Variants in FAM178B observed in about 807,000 individuals in gnomAD.
FAM178B encodes family with sequence similarity 178 member B.
Under a neutral mutation model 91.7 loss-of-function variants are expected in FAM178B, and 82 were observed. The observed-to-expected ratio is 0.89, with a 90% CI of 0.75 to 1.07. The LOEUF (loss-of-function observed/expected upper bound fraction) is 1.07, where lower values mean the gene tolerates loss of function less well. Ranked by LOEUF, FAM178B falls within the 50% of genes least tolerant of loss-of-function variation. FAM178B has a pLI of 0.00. For synonymous variants in FAM178B, 368 were observed against 359.4 expected (o/e 1.02, Z -0.27); for missense variants, 769 against 846.7 (o/e 0.91, Z 1.14).
intron 13 of FAM178B, among the ~76,000 whole-genome samples, chr2:96,896,658 C>T (rs145645651): frequency 2.6e-5 from 4 of 152,156 alleles, no homozygotes; most frequent in African/African-American, 9.7e-5. Context: ...GCATGTTGCT[C>T]CTGGGTGCAA....
At chr2:96,984,452 T>C (rs1336388287) in intron 1 of FAM178B, among the ~76,000 whole-genome samples, 2 of 152,122 alleles carry the variant, frequency 1.3e-5, no homozygotes, top group Non-Finnish European at 2.9e-5. Context: ...GAAGTTTCTG[T>C]CATAGGACAG....
Position 96,971,971 on chromosome 2 carries a change from C to G in FAM178B, c.494G>C (p.Arg165Thr). Reference sequence around the variant, plus strand: ...CAGCTTCTCTGGCAAGGCCAGGCCCCTCTTCGGGTCCAAGTCCAGGTGTTC... The same window carrying G: ...CAGCTTCTCTGGCAAGGCCAGGCCCGTCTTCGGGTCCAAGTCCAGGTGTTC... ...EQEHLDLDPK[R>T]GLALPEKLFW... The change falls in exon 3 of 17, where the codon AGG becomes ACG. Residue 165 changes from arginine to threonine, a missense_variant. Physicochemically the swap from Arg to Thr is moderately conservative, Grantham distance 71. Transcript: ENST00000490605. 6.4e-7 allele frequency: 1 copy of G among 1,561,776 alleles called. No homozygotes were observed. The highest frequency in any genetic ancestry group is 8.7e-7 in the Non-Finnish European group (1 of 1,153,088).
intron 12 of FAM178B, among the ~76,000 whole-genome samples, chr2:96,913,419 T>C (rs1337471116): frequency 6.6e-6 from 1 of 151,840 alleles, no homozygotes; most frequent in Non-Finnish European, 1.5e-5. Context: ...GAGTCCACAG[T>C]GGAGAAGGGG....
intron 6 of FAM178B, among the ~76,000 whole-genome samples, chr2:96,957,437 A>AG (rs563755029): frequency 8.3e-4 from 126 of 152,228 alleles, no homozygotes; most frequent in Admixed American, 3.4e-3. Flanking sequence ...TGCAGATCTG[A>AG]GGCACTGGCA....
intron 1 of FAM178B, among the ~76,000 whole-genome samples, chr2:96,979,022 G>A (rs2082327973): frequency 6.9e-6 from 1 of 145,292 alleles, no homozygotes; most frequent in African/African-American, 2.6e-5. Context: ...CTGTTGCCAG[G>A]CTGGAGTGCA....
intron 10 of FAM178B, among the ~76,000 whole-genome samples, chr2:96,922,746 C>T (rs952002486): frequency 5.9e-5 from 9 of 152,140 alleles, no homozygotes; most frequent in African/African-American, 2.2e-4. Context: ...CTCTTGTTGC[C>T]CAGGCTGGAG....
In FAM178B at chr2:96,967,911, C is replaced by CTTTTTTTTTTTTTTTTTTTTTTT. The variant is rs60965536; in HGVS notation, c.627-307_627-285dup. ...TCTTTACTTGTGTACCCTGTTTGGT[C>CTTTTTTTTTTTTTTTTTTTTTTT]TTTTTTTTTTTTTTTTTTTTTTTTT... On this transcript the variant is annotated intron_variant, in intron 4 of 16. Coordinates refer to ENST00000490605, the MANE Select transcript of FAM178B (RefSeq NM_001122646.3). Among the ~76,000 whole-genome samples the CTTTTTTTTTTTTTTTTTTTTTTT allele has an allele frequency of 9.0e-4, 56 of 62,442 alleles. 15 individuals are homozygous for CTTTTTTTTTTTTTTTTTTTTTTT. Among genetic ancestry groups the CTTTTTTTTTTTTTTTTTTTTTTT allele is most frequent in the Non-Finnish European group, 1.5e-3 (49 of 33,240 alleles). 41.0% of individuals were successfully genotyped at this position (62,442 alleles called of 152,430 possible). A position where few individuals can be genotyped will look rare whatever the true frequency, so the allele number is the denominator to read the frequency against.
At chr2:96,925,142 G>A (rs75430035) in intron 9 of FAM178B, among the ~76,000 whole-genome samples, 1,889 of 152,250 alleles carry the variant, frequency 0.012, 32 homozygotes, top group African/African-American at 0.043. Context: ...AGCCTTGAGC[G>A]TGCAACACGC....
chr2:96,917,947 C>G (rs74432775), intron 12 of FAM178B, among the ~76,000 whole-genome samples: 10,384 of 152,012 alleles, frequency 0.068, 1,171 homozygotes, highest in African/African-American at 0.24. Context: ...TCTCTCATAC[C>G]AAGGACAAAC....
chr2:96,940,760 G>GT (rs1443446562), intron 8 of FAM178B, among the ~76,000 whole-genome samples: 1 of 152,238 alleles, frequency 6.6e-6, no homozygotes, highest in Non-Finnish European at 1.5e-5. Context: ...AGGCACATAT[G>GT]TAAGTGTATA....
At chr2:96,923,463 C>G in intron 10 of FAM178B, 27 bp downstream of exon 10, 1 of 1,526,788 alleles carries the variant, frequency 6.5e-7, no homozygotes. Context: ...CGAGAGTGCC[C>G]TGCATGAGGC....
intron 12 of FAM178B, among the ~76,000 whole-genome samples, chr2:96,916,990 G>C (rs2081251216): frequency 6.6e-6 from 1 of 152,142 alleles, no homozygotes; most frequent in Admixed American, 6.5e-5. Context: ...GCTCACTGAA[G>C]ACCCACAGTG....
At chr2:96,906,852 A>G (rs1389322156) in intron 12 of FAM178B, among the ~76,000 whole-genome samples, 1 of 152,258 alleles carries the variant, frequency 6.6e-6, no homozygotes, top group African/African-American at 2.4e-5. Context: ...GAGCTGCTCC[A>G]CAGTGAACTC....
chr2:96,957,072 C>T (rs990162376), intron 6 of FAM178B, among the ~76,000 whole-genome samples: 3 of 151,956 alleles, frequency 2.0e-5, no homozygotes, highest in Admixed American at 1.3e-4. Context: ...TCCATGTTGG[C>T]CAGGCTGCTC....
Position 96,960,281 on chromosome 2 carries a change from C to T in FAM178B, c.887+7G>A, listed in dbSNP as rs376270209. ...GCCACCCCCTCACCCCTCCTCCCCA[C>T]ACTTACCTGAGGAACAGCCCTTCCA... On this transcript the variant is annotated splice_region_variant and intron_variant, in intron 6 of 16. Transcript: ENST00000490605. 2.2e-5 allele frequency: 34 copies of T among 1,551,650 alleles called. No individual in the cohort carries two copies. In the African/African-American group the frequency reaches 3.8e-4, roughly 17 times the overall value.
chr2:96,921,528 G>A lies in FAM178B; in HGVS notation c.1414C>T (p.Gln472Ter). Residue 472 changes from glutamine to a stop codon, truncating the protein, a stop_gained, in exon 11 of 17, where the codon CAG becomes TAG. Transcript: ENST00000490605. LOFTEE classifies it high-confidence loss of function. ...TCCAGGAGCAAGAGGAGAAGCTGCT[G>A]GAGGTCAACTTTGGGCAGCAGGCGG... ...GLRLLPKVDL[Q>*]QLLLLLLENI... 6.4e-7 allele frequency: 1 copy of A among 1,551,696 alleles called. No homozygotes were observed. Among genetic ancestry groups the A allele is most frequent in the East Asian group, 2.4e-5 (1 of 40,912 alleles).
chr2:96,902,991 T>C (rs1031380564), intron 12 of FAM178B, among the ~76,000 whole-genome samples: 1 of 152,252 alleles, frequency 6.6e-6, no homozygotes, highest in Non-Finnish European at 1.5e-5. Context: ...CCTCTGCCGA[T>C]ACATATCCAT....
chr2:96,895,539 G>A (rs1049010631), intron 13 of FAM178B, among the ~76,000 whole-genome samples: 2 of 152,202 alleles, frequency 1.3e-5, no homozygotes, highest in Non-Finnish European at 2.9e-5. Flanking sequence ...CACTTGATTC[G>A]GGTAGCCTGG....
intron 6 of FAM178B, among the ~76,000 whole-genome samples, chr2:96,953,744 G>A (rs774203502): frequency 1.3e-5 from 2 of 152,228 alleles, no homozygotes; most frequent in Non-Finnish European, 2.9e-5. Context: ...TGCAGGCCGA[G>A]TGCATGCTCG....
Sources: gnomAD v4.1 joint callset for allele counts (sites outside exome capture counted in the v4.1 genomes callset) on GRCh38, gnomAD v4.1.1 for gene constraint, MANE v1.5 for transcripts, NCBI Gene and HGNC (gene_info 2026-07-23, HGNC 2026-07-21) for gene names.